Variants in PTPN22 observed in about 807,000 individuals in gnomAD.
PTPN22 encodes protein tyrosine phosphatase non-receptor type 22, also known as tyrosine-protein phosphatase non-receptor type 22.
A neutral mutation model predicts 103.3 loss-of-function variants in PTPN22; 85 were observed. The ratio of observed to expected loss-of-function variants is 0.82; its 90% CI spans 0.69 to 0.99. The LOEUF is 0.99. PTPN22 is among the 50% of genes least tolerant of loss of function. The pLI, the probability that PTPN22 is intolerant of heterozygous loss-of-function variation, is 0.00. For synonymous variants in PTPN22, 323 were observed against 310.2 expected (o/e 1.04, Z -0.43); for missense variants, 865 against 936.9 (o/e 0.92, Z 1.00).
At chr1:113,819,689 TA>T in intron 19 of PTPN22, 35 bp from the exon 20 acceptor site, 1 of 1,428,036 alleles carries the variant, frequency 7.0e-7, no homozygotes. Context: ...AGGGAAAGAC[TA>T]AAGACAGACT....
At chr1:113,859,255 T>C (rs748018955) in intron 2 of PTPN22, 97 bp downstream of exon 2, 215 of 1,533,256 alleles carry the variant, frequency 1.4e-4, no homozygotes, top group Non-Finnish European at 1.8e-4. Context: ...GTCAATGCCA[T>C]GTTCCAAGAT....
At chr1:113,816,727 G>C (rs1316784879) in intron 20 of PTPN22, among the ~76,000 whole-genome samples, 1 of 152,114 alleles carries the variant, frequency 6.6e-6, no homozygotes, top group South Asian at 2.1e-4. Context: ...TGGCCAACAT[G>C]ATGAAACCCT....
chr1:113,824,486 C>T (rs1330757580), intron 19 of PTPN22, among the ~76,000 whole-genome samples: 1 of 152,128 alleles, frequency 6.6e-6, no homozygotes, highest in Non-Finnish European at 1.5e-5. Flanking sequence ...ATTTTATTTT[C>T]ATTACAACGT....
exon 18 of PTPN22, chr1:113,829,670 G>T: frequency 6.2e-7 from 1 of 1,605,716 alleles, no homozygotes; most frequent in East Asian, 2.2e-5. Flanking sequence ...TGTCAGGATA[G>T]CTAGTAGAAT....
chr1:113,838,990 C>G lies in PTPN22; in HGVS notation c.916-370G>C, dbSNP rs145181996. ...TATTAGGTCTCTGGACCTATTTCAT[C>G]TTGTTCTACTCTTTTCCTCCTCACT... On this transcript the variant is annotated intron_variant, in intron 11 of 20. Coordinates refer to ENST00000359785, the Ensembl canonical transcript of PTPN22. Among the ~76,000 whole-genome samples the G allele has an allele frequency of 1.7e-3, 261 of 152,250 alleles. 1 individual carries two copies. Among genetic ancestry groups the G allele is most frequent in the African/African-American group, 5.9e-3 (245 of 41,556 alleles).
At chr1:113,861,402 G>A (rs1665581246) in intron 1 of PTPN22, among the ~76,000 whole-genome samples, 1 of 151,982 alleles carries the variant, frequency 6.6e-6, no homozygotes, top group Admixed American at 6.6e-5. Context: ...CACCATGCCT[G>A]GCCAATTTTT....
chr1:113,848,400 A>T (rs1172991955), intron 11 of PTPN22, 140 bp downstream of exon 11: 4 of 1,176,058 alleles, frequency 3.4e-6, no homozygotes, highest in Admixed American at 2.6e-5. Context: ...TTCCACAGGA[A>T]ATTTTCAGTG....
chr1:113,842,827 C>G (rs1302445144), intron 11 of PTPN22, among the ~76,000 whole-genome samples: 4 of 151,652 alleles, frequency 2.6e-5, no homozygotes, highest in Non-Finnish European at 2.9e-5. Context: ...AACGGCCGGG[C>G]GCGGTGGCTC....
At chr1:113,833,289 G>T in intron 15 of PTPN22, 151 bp from the exon 16 acceptor site, 1 of 555,710 alleles carries the variant, frequency 1.8e-6, no homozygotes, top group Non-Finnish European at 3.0e-6. Flanking sequence ...ATTTGTAAGT[G>T]TGCTGAATTA....
chr1:113,825,367 A>G (rs930234230), intron 18 of PTPN22, among the ~76,000 whole-genome samples, 195 bp from the exon 19 acceptor site: 8 of 152,190 alleles, frequency 5.3e-5, no homozygotes, highest in African/African-American at 1.9e-4. Context: ...TGCTATTTAT[A>G]TCACCCATGC....
At chr1:113,844,203 T>G (rs1312358274) in intron 11 of PTPN22, among the ~76,000 whole-genome samples, 1 of 152,220 alleles carries the variant, frequency 6.6e-6, no homozygotes, top group African/African-American at 2.4e-5. Context: ...GGCTCACGCC[T>G]GTAATCCCAG....
intron 11 of PTPN22, among the ~76,000 whole-genome samples, chr1:113,843,689 A>T (rs1663807740): frequency 6.6e-6 from 1 of 152,220 alleles, no homozygotes; most frequent in Admixed American, 6.5e-5. Flanking sequence ...AAAATGATAT[A>T]TTATACCACA....
At chr1:113,845,434 C>T (rs1323626576) in intron 11 of PTPN22, among the ~76,000 whole-genome samples, 4 of 151,936 alleles carry the variant, frequency 2.6e-5, no homozygotes, top group African/African-American at 7.3e-5. Context: ...AATTCCTGAC[C>T]TCATGTGATC....
At chr1:113,853,150 C>G (rs1489754960) in intron 9 of PTPN22, among the ~76,000 whole-genome samples, 2 of 151,772 alleles carry the variant, frequency 1.3e-5, no homozygotes, top group African/African-American at 4.8e-5. Flanking sequence ...GTTGGTCAGG[C>G]TGGTCTTGAA....
intron 16 of PTPN22, among the ~76,000 whole-genome samples, chr1:113,831,088 C>A (rs1662506059): frequency 6.6e-6 from 1 of 152,116 alleles, no homozygotes. Flanking sequence ...AGGGAATATT[C>A]TGAAAACTAA....
chr1:113,860,441 G>T (rs921762307), intron 1 of PTPN22, among the ~76,000 whole-genome samples: 1 of 152,096 alleles, frequency 6.6e-6, no homozygotes, highest in Non-Finnish European at 1.5e-5. Context: ...CACATCCTCC[G>T]TATATAAAGA....
At chr1:113,851,648 T>C (rs1284711244) in intron 10 of PTPN22, among the ~76,000 whole-genome samples, 1 of 152,250 alleles carries the variant, frequency 6.6e-6, no homozygotes, top group Non-Finnish European at 1.5e-5. Context: ...TACAAATCCC[T>C]GATTTTCTAT....
At chr1:113,859,670 A>T (rs534268111) in intron 1 of PTPN22, among the ~76,000 whole-genome samples, 1 of 152,368 alleles carries the variant, frequency 6.6e-6, no homozygotes, top group South Asian at 2.1e-4. Flanking sequence ...CACTTACTGC[A>T]GCTGAGCCAT....
At chr1:113,844,242 G>A (rs1466766322) in intron 11 of PTPN22, among the ~76,000 whole-genome samples, 1 of 152,142 alleles carries the variant, frequency 6.6e-6, no homozygotes, top group Non-Finnish European at 1.5e-5. Context: ...CAAGCAGATA[G>A]TCAGGAGTTC....
Sources: gnomAD v4.1 joint callset for allele counts (sites outside exome capture counted in the v4.1 genomes callset) on GRCh38, gnomAD v4.1.1 for gene constraint, MANE v1.5 for transcripts, NCBI Gene and HGNC (gene_info 2026-07-23, HGNC 2026-07-21) for gene names.